Variants in AGBL4 observed in about 807,000 individuals in gnomAD.
AGBL4 encodes AGBL carboxypeptidase 4, also known as cytosolic carboxypeptidase 6.
AGBL4 carries 58 observed loss-of-function variants against 66.4 expected under a neutral mutation model. The ratio of observed to expected loss-of-function variants is 0.87; its 90% CI spans 0.71 to 1.09. AGBL4 has a LOEUF of 1.09. AGBL4 is among the 50% of genes least tolerant of loss of function. The pLI is 0.00. For missense variants in AGBL4, 579 were observed against 631.0 expected (o/e 0.92, Z 0.88); for synonymous variants, 234 against 222.9 (o/e 1.05, Z -0.44).
chr1:49,395,791 A>G (rs1247783852), intron 3 of AGBL4, among the ~76,000 whole-genome samples: 1 of 135,034 alleles, frequency 7.4e-6, no homozygotes, highest in African/African-American at 2.8e-5. Context: ...GTATATATGT[A>G]TATATATACA....
Position 49,199,484 on chromosome 1 carries a change from G to A in AGBL4, c.377+46286C>T, listed in dbSNP as rs190345556. ...CTGTCCTCTTAAACAGAAAAACCGT[G>A]TACGGCATCTGTATGTGCCTTTCTA... On this transcript the variant is annotated intron_variant, in intron 4 of 13. Transcript: ENST00000371839. Among the ~76,000 whole-genome samples, 422 of 152,244 alleles carry A rather than the reference G, an allele frequency of 2.8e-3. 2 individuals are homozygous for A. Among genetic ancestry groups the A allele is most frequent in the Non-Finnish European group, 4.1e-3 (280 of 68,024 alleles).
rs560760221 is a variant in AGBL4 at position 49,945,256 on chromosome 1, C to T, written c.34+78507G>A. Among the ~76,000 whole-genome samples, 15 of 152,216 alleles carry T rather than the reference C, an allele frequency of 9.9e-5. No individual in the cohort carries two copies. In the Middle Eastern group the frequency reaches 0.01, roughly 104 times the overall value. ...TCACAAAAAGATCATCACCTAGGCA[C>T]ATTGTCATCAGGTTATCTAAAGTTA... On this transcript the variant is annotated intron_variant, in intron 1 of 13. Transcript: ENST00000371839.
chr1:49,582,584 C>A (rs1644565473), intron 3 of AGBL4, among the ~76,000 whole-genome samples: 1 of 152,168 alleles, frequency 6.6e-6, no homozygotes, highest in African/African-American at 2.4e-5. Context: ...GCCAGTCTCA[C>A]TAGTCATGGA....
chr1:49,223,314 T>C (rs1272909494), intron 4 of AGBL4, among the ~76,000 whole-genome samples: 1 of 152,128 alleles, frequency 6.6e-6, no homozygotes, highest in Non-Finnish European at 1.5e-5. Context: ...GGTGGTATAA[T>C]GGGAAGGAGG....
At chr1:49,363,894 TA>T (rs1456208111) in intron 3 of AGBL4, among the ~76,000 whole-genome samples, 1 of 152,246 alleles carries the variant, frequency 6.6e-6, no homozygotes, top group East Asian at 1.9e-4. Context: ...TAGCTGTACA[TA>T]AAAAATATAA....
chr1:49,618,872 A>C (rs1222532308), intron 3 of AGBL4, among the ~76,000 whole-genome samples: 2 of 152,212 alleles, frequency 1.3e-5, no homozygotes, highest in Non-Finnish European at 2.9e-5. Flanking sequence ...ACAAAAATAC[A>C]TGATTATCTC....
At chr1:48,887,348 G>A (rs1650467212) in intron 5 of AGBL4, among the ~76,000 whole-genome samples, 1 of 152,098 alleles carries the variant, frequency 6.6e-6, no homozygotes. Context: ...GGAGAAGGAG[G>A]CCTTACTGAT....
chr1:49,457,569 G>T (rs1054786906), intron 3 of AGBL4, among the ~76,000 whole-genome samples: 5 of 151,678 alleles, frequency 3.3e-5, no homozygotes, highest in African/African-American at 1.2e-4. Context: ...GTTTAACTCG[G>T]TTCCATCTTT....
At chr1:49,124,850 G>T (rs1325568867) in intron 4 of AGBL4, among the ~76,000 whole-genome samples, 1 of 152,132 alleles carries the variant, frequency 6.6e-6, no homozygotes, top group Admixed American at 6.6e-5. Flanking sequence ...CAACTTTATG[G>T]GTTGCAAAAT....
rs1656324172 is a variant in AGBL4 at position 48,944,796 on chromosome 1, C to T, written c.595-77566G>A. ...AGAAAATAACTCATATCAAGGTAAA[C>T]AATTCTTAGTGTTACATATGGGGAA... On this transcript the variant is annotated intron_variant, in intron 5 of 13. Coordinates refer to ENST00000371839, the MANE Select transcript of AGBL4 (RefSeq NM_032785.4). Among the ~76,000 whole-genome samples, 3 of 152,124 alleles carry T rather than the reference C, an allele frequency of 2.0e-5. No homozygotes were observed. In the South Asian group the frequency reaches 6.2e-4, roughly 32 times the overall value.
At chr1:49,520,346 A>T (rs1404639874) in intron 3 of AGBL4, among the ~76,000 whole-genome samples, 1 of 152,098 alleles carries the variant, frequency 6.6e-6, no homozygotes, top group Non-Finnish European at 1.5e-5. Context: ...AACTGAAATA[A>T]GTAAAAATTA....
At chr1:49,572,322 C>G (rs912193555) in intron 3 of AGBL4, among the ~76,000 whole-genome samples, 5 of 151,928 alleles carry the variant, frequency 3.3e-5, no homozygotes, top group African/African-American at 1.2e-4. Context: ...TAAGATTTAC[C>G]CATTTTCTCT....
intron 3 of AGBL4, among the ~76,000 whole-genome samples, chr1:49,283,067 A>C (rs1014729700): frequency 2.0e-5 from 3 of 152,248 alleles, no homozygotes; most frequent in Non-Finnish European, 4.4e-5. Flanking sequence ...CTCTGGGGGC[A>C]GGGCACAGAC....
At chr1:49,320,166 A>C (rs1645106924) in intron 3 of AGBL4, among the ~76,000 whole-genome samples, 1 of 152,058 alleles carries the variant, frequency 6.6e-6, no homozygotes, top group Non-Finnish European at 1.5e-5. Flanking sequence ...CCTGGGCACA[A>C]GCAATTCACC....
intron 5 of AGBL4, among the ~76,000 whole-genome samples, chr1:48,875,668 A>G (rs1570897528): frequency 1.3e-5 from 2 of 152,312 alleles, no homozygotes; most frequent in East Asian, 1.9e-4. Flanking sequence ...GCACAAAAGC[A>G]GGGCAAGTGG....
At chr1:48,998,473 T>A (rs1661173637) in intron 5 of AGBL4, among the ~76,000 whole-genome samples, 1 of 152,194 alleles carries the variant, frequency 6.6e-6, no homozygotes, top group Non-Finnish European at 1.5e-5. Context: ...ACATTTCCTA[T>A]GAACATTCTC....
In AGBL4 at chr1:49,974,893, G is replaced by C. The variant is rs373986437; in HGVS notation, c.34+48870C>G. Among the ~76,000 whole-genome samples, 240 of 152,200 alleles carry C rather than the reference G, an allele frequency of 1.6e-3. 1 individual carries two copies. Among genetic ancestry groups the C allele is most frequent in the African/African-American group, 4.9e-3 (205 of 41,532 alleles). On this transcript the variant is annotated intron_variant, in intron 1 of 13. Transcript: ENST00000371839. ...GAAAAAACACTGGAATAGAAAGAAT[G>C]AAATTCACAAAACCTGGAAAAAATA...
chr1:49,249,751 C>T (rs1027523878), intron 3 of AGBL4, among the ~76,000 whole-genome samples: 3 of 152,090 alleles, frequency 2.0e-5, no homozygotes, highest in Non-Finnish European at 4.4e-5. Context: ...ATCAGTACAT[C>T]AAAGAGGTAT....
At chr1:49,563,888 C>G (rs901792461) in intron 3 of AGBL4, among the ~76,000 whole-genome samples, 4 of 152,104 alleles carry the variant, frequency 2.6e-5, no homozygotes, top group African/African-American at 9.7e-5. Context: ...GGAATGGTAC[C>G]AGCTCCTCCT....
Sources: gnomAD v4.1 joint callset for allele counts (sites outside exome capture counted in the v4.1 genomes callset) on GRCh38, gnomAD v4.1.1 for gene constraint, MANE v1.5 for transcripts, NCBI Gene and HGNC (gene_info 2026-07-23, HGNC 2026-07-21) for gene names.